Variants in SAMD5 observed in about 807,000 individuals in gnomAD.
The protein encoded by SAMD5 is sterile alpha motif domain-containing protein 5.
In SAMD5, 13 loss-of-function variants were observed where a neutral mutation model predicts 11.3. The observed-to-expected ratio is 1.15, with a 90% CI of 0.75 to 1.83. The LOEUF (loss-of-function observed/expected upper bound fraction) is 1.83. Ranked by LOEUF, SAMD5 falls within the 40% of genes most tolerant of loss-of-function variation. The probability of loss-of-function intolerance (pLI) is 0.00; values close to 1 mark genes in which losing one functional copy is unlikely to be tolerated. For synonymous variants in SAMD5, 129 were observed against 111.3 expected (o/e 1.16, Z -1.00); for missense variants, 255 against 239.1 (o/e 1.07, Z -0.44).
At chr6:147,538,064 T>G (rs1056154702) in intron 1 of SAMD5, among the ~76,000 whole-genome samples, 6 of 152,200 alleles carry the variant, frequency 3.9e-5, no homozygotes, top group African/African-American at 1.4e-4. Flanking sequence ...GTAAGATTTT[T>G]ATAAACTTTT....
At chr6:147,632,209 T>C (rs1475639247) in intron 1 of SAMD5, among the ~76,000 whole-genome samples, 4 of 152,174 alleles carry the variant, frequency 2.6e-5, no homozygotes, top group Non-Finnish European at 5.9e-5. Context: ...TTGCAGTGAA[T>C]GACTCCAGTT....
chr6:147,936,944 G>A, the SAMD5 span, among the ~76,000 whole-genome samples: 1 of 152,146 alleles, frequency 6.6e-6, no homozygotes, highest in Non-Finnish European at 1.5e-5. Flanking sequence ...CATGAACAGG[G>A]ACTGTGTAAA....
chr6:147,525,111 A>G (rs648995), intron 1 of SAMD5, among the ~76,000 whole-genome samples: 65,117 of 151,120 alleles, frequency 0.43, 15,345 homozygotes, highest in African/African-American at 0.64. Context: ...TGAAAAATAG[A>G]TATGGTATAG....
chr6:147,917,553 T>G, the SAMD5 span, among the ~76,000 whole-genome samples: 3 of 152,104 alleles, frequency 2.0e-5, no homozygotes, highest in Admixed American at 2.0e-4. Flanking sequence ...CAGAAGCTCT[T>G]TAGTTTAATT....
chr6:147,730,887 A>G (rs1342877462), intron 1 of SAMD5, among the ~76,000 whole-genome samples: 2 of 152,162 alleles, frequency 1.3e-5, no homozygotes, highest in Admixed American at 1.3e-4. Flanking sequence ...GACTGATAAG[A>G]GCAGTTTTAA....
Position 147,567,692 on chromosome 6 carries a change from G to A in SAMD5, c.*3236G>A, listed in dbSNP as rs774932366. 269 of 985,140 alleles carry A rather than the reference G, an allele frequency of 2.7e-4. No homozygotes were observed. The highest frequency in any genetic ancestry group is 3.2e-4 in the Non-Finnish European group (264 of 829,894). The allele number at this position is 985,140 out of a possible 1,614,324, so 61.0% of individuals were successfully genotyped here. A position where few individuals can be genotyped will look rare whatever the true frequency, so the allele number is the denominator to read the frequency against. On this transcript the variant is annotated 3_prime_UTR_variant, in exon 2 of 2. Coordinates refer to ENST00000367474, the MANE Select transcript of SAMD5 (RefSeq NM_001030060.3). The stretch of plus-strand genomic sequence containing the variant: ...CAGTTGTCTTATTTCTTCTTATGCA[G>A]AAGAGATTACCTTAAAGCTGACTAG...
At chr6:147,762,223 G>A in the SAMD5 span, among the ~76,000 whole-genome samples, 1 of 151,522 alleles carries the variant, frequency 6.6e-6, no homozygotes, top group South Asian at 2.1e-4. Flanking sequence ...TTTATTTTTT[G>A]GAGACACGGT....
At chr6:147,702,206 A>T (rs113661569) in intron 1 of SAMD5, among the ~76,000 whole-genome samples, 14,091 of 152,218 alleles carry the variant, frequency 0.093, 766 homozygotes, top group African/African-American at 0.15. Context: ...ATTCACTGTC[A>T]TAAGAACAGC....
intron 1 of SAMD5, chr6:147,733,803 A>C (rs770447038): frequency 2.2e-4 from 207 of 962,672 alleles, no homozygotes; most frequent in Non-Finnish European, 2.5e-4. Context: ...TTTTAAAGCC[A>C]GTTTTAAGGT....
At chr6:147,920,513 G>C in the SAMD5 span, among the ~76,000 whole-genome samples, 1 of 152,116 alleles carries the variant, frequency 6.6e-6, no homozygotes, top group Non-Finnish European at 1.5e-5. Flanking sequence ...CTTTGTGATC[G>C]TGTGAGTCAG....
chr6:147,859,292 T>A, the SAMD5 span, among the ~76,000 whole-genome samples: 1,514 of 152,292 alleles, frequency 9.9e-3, 29 homozygotes, highest in African/African-American at 0.035. Context: ...TTTTCTGGCT[T>A]ACTTTCTACC....
At chr6:147,817,741 C>T in the SAMD5 span, among the ~76,000 whole-genome samples, 4 of 152,196 alleles carry the variant, frequency 2.6e-5, no homozygotes, top group African/African-American at 9.7e-5. Flanking sequence ...CATCCACACT[C>T]TTGGTTCTCA....
At chr6:147,707,249 T>G (rs1198645551) in intron 1 of SAMD5, among the ~76,000 whole-genome samples, 1 of 152,220 alleles carries the variant, frequency 6.6e-6, no homozygotes, top group Non-Finnish European at 1.5e-5. Flanking sequence ...TTTTTATGTT[T>G]TAATATAGAA....
the SAMD5 span, among the ~76,000 whole-genome samples, chr6:147,760,693 A>G: frequency 6.6e-6 from 1 of 152,210 alleles, no homozygotes; most frequent in African/African-American, 2.4e-5. Flanking sequence ...GAATGTAGGT[A>G]AATAAGACAG....
chr6:147,670,272 CTT>C (rs1264167947), intron 1 of SAMD5, among the ~76,000 whole-genome samples: 1 of 152,170 alleles, frequency 6.6e-6, no homozygotes, highest in East Asian at 1.9e-4. Context: ...TGTTGTTCCA[CTT>C]ATAGAACACA....
chr6:147,553,840 T>G, intron 1 of SAMD5, among the ~76,000 whole-genome samples: 1 of 152,296 alleles, frequency 6.6e-6, no homozygotes, highest in African/African-American at 2.4e-5. Context: ...GCATGTTTTT[T>G]TTTTCTGAAA....
chr6:147,825,894 C>T, the SAMD5 span, among the ~76,000 whole-genome samples: 2 of 152,142 alleles, frequency 1.3e-5, no homozygotes, highest in Admixed American at 6.5e-5. Context: ...ACATTCACCA[C>T]GATTATAACT....
At chr6:147,871,708 C>T in the SAMD5 span, among the ~76,000 whole-genome samples, 4 of 152,152 alleles carry the variant, frequency 2.6e-5, no homozygotes, top group Admixed American at 2.6e-4. Flanking sequence ...TTTGTCCTCC[C>T]CTTTGTCCTA....
the SAMD5 span, among the ~76,000 whole-genome samples, chr6:147,851,197 G>A: frequency 1.3e-5 from 2 of 152,122 alleles, no homozygotes; most frequent in African/African-American, 4.8e-5. Context: ...GCCTGCCTCA[G>A]CCTCCCAAAG....
Sources: allele counts gnomAD v4.1 joint callset (sites outside exome capture counted in the v4.1 genomes callset), GRCh38; gene constraint gnomAD v4.1.1; transcripts MANE v1.5; gene names NCBI Gene and HGNC (gene_info 2026-07-23, HGNC 2026-07-21).